ABCC12: variants seen among roughly 807,000 people sequenced by gnomAD.
The protein encoded by ABCC12 is ATP binding cassette subfamily C member 12, also known as ATP-binding cassette sub-family C member 12.
A neutral mutation model predicts 151.1 loss-of-function variants in ABCC12; 142 were observed. The ratio of observed to expected loss-of-function variants is 0.94; its 90% CI spans 0.82 to 1.08. The LOEUF (loss-of-function observed/expected upper bound fraction) is 1.08, where lower values mean the gene tolerates loss of function less well. Ranked by LOEUF, ABCC12 falls within the 50% of genes least tolerant of loss-of-function variation. The pLI is 0.00. For missense variants in ABCC12, 1,638 were observed against 1,691.1 expected (o/e 0.97, Z 0.55); for synonymous variants, 645 against 646.4 (o/e 1.00, Z 0.03).
intron 26 of ABCC12, 145 bp from the exon 27 acceptor site, chr16:48,088,230 T>G: frequency 9.8e-7 from 1 of 1,024,902 alleles, no homozygotes; most frequent in Non-Finnish European, 1.4e-6. Context: ...CTCACCAGGG[T>G]GGGGGTGGAG....
In ABCC12 at chr16:48,102,426, TA is replaced by T. The variant is rs1461202667; in HGVS notation, c.2901-1418del. Among the ~76,000 whole-genome samples, 6 of 152,364 alleles carry T rather than the reference TA, an allele frequency of 3.9e-5. No individual in the cohort carries two copies. The East Asian group carries it at 1.2e-3, about 29-fold the overall frequency. On this transcript the variant is annotated intron_variant, in intron 22 of 30. Transcript: ENST00000311303. ...TGTGGGAGTGTACTTTCATTTTTAA[TA>T]AATCTCTGCTTTTGTTGCTTCTTTC...
At chr16:48,155,470 C>T (rs1342267026) in intron 1 of ABCC12, among the ~76,000 whole-genome samples, 1 of 150,920 alleles carries the variant, frequency 6.6e-6, no homozygotes, top group African/African-American at 2.4e-5. Context: ...AGGTATAAAT[C>T]CCATAATTAA....
chr16:48,139,919 A>G (rs922117981), intron 6 of ABCC12, among the ~76,000 whole-genome samples: 6 of 152,024 alleles, frequency 3.9e-5, no homozygotes, highest in Non-Finnish European at 8.8e-5. Flanking sequence ...CCATGATGAC[A>G]GCCATGTGCA....
chr16:48,100,750 T>C (rs1963275206), intron 23 of ABCC12, 122 bp downstream of exon 23: 1 of 1,239,410 alleles, frequency 8.1e-7, no homozygotes, highest in African/African-American at 1.5e-5. Flanking sequence ...TCCTCCTGAT[T>C]CTTCCAGCTC....
chr16:48,155,411 T>C (rs1430130471), intron 1 of ABCC12, among the ~76,000 whole-genome samples: 1 of 150,110 alleles, frequency 6.7e-6, no homozygotes, highest in Non-Finnish European at 1.5e-5. Context: ...GATGAAAACC[T>C]CATATGAGAA....
In ABCC12 at chr16:48,107,343, G is replaced by A. The variant is rs2150610313; in HGVS notation, c.2454C>T (p.Leu818=). The A allele has an allele frequency of 6.2e-7, 1 of 1,614,174 alleles. No individual in the cohort carries two copies. The highest frequency in any genetic ancestry group is 8.5e-7 in the Non-Finnish European group (1 of 1,180,036). The change falls in exon 20 of 31, where the codon CTC becomes CTT. Residue 818 remains leucine (L), a synonymous_variant. Transcript: ENST00000311303. The part of the protein sequence containing the change: ...SAAFSNWWLG[L]WLDKGSRMTC... ...TCACCCGTGAGCCCTTGTCCAACCA[G>A]AGACCCAGCCACCAGTTGCTGAAGG...
intron 10 of ABCC12, 80 bp downstream of exon 10, chr16:48,130,708 G>T: frequency 3.5e-6 from 4 of 1,132,554 alleles, no homozygotes; most frequent in Middle Eastern, 2.0e-4. Flanking sequence ...CCAGCAGCTT[G>T]GTACAGCCTC....
chr16:48,132,443 G>C (rs553559243), intron 9 of ABCC12, among the ~76,000 whole-genome samples: 2 of 152,138 alleles, frequency 1.3e-5, no homozygotes, highest in African/African-American at 2.4e-5. Context: ...CTTTGCAAAC[G>C]TCACCTCTTT....
chr16:48,115,888 C>T (rs1963868569), intron 14 of ABCC12, among the ~76,000 whole-genome samples: 1 of 152,210 alleles, frequency 6.6e-6, no homozygotes, highest in African/African-American at 2.4e-5. Flanking sequence ...GGGTGCCCAT[C>T]TCACAAGACC....
chr16:48,104,034 A>G, intron 22 of ABCC12, 108 bp downstream of exon 22: 1 of 1,209,192 alleles, frequency 8.3e-7, no homozygotes, highest in Non-Finnish European at 1.1e-6. Context: ...AAAAAAATCA[A>G]TGGTAGACCA....
chr16:48,133,940 G>A, intron 8 of ABCC12, 105 bp from the exon 9 acceptor site: 2 of 1,347,692 alleles, frequency 1.5e-6, no homozygotes, highest in South Asian at 1.4e-5. Context: ...GGGCGCTCAT[G>A]AGTCCTGTTG....
chr16:48,097,031 G>T, intron 23 of ABCC12, 129 bp from the exon 24 acceptor site: 1 of 1,061,050 alleles, frequency 9.4e-7, no homozygotes, highest in East Asian at 2.4e-5. Flanking sequence ...TTTTAATCAA[G>T]GGAACACACT....
At chr16:48,094,702 G>T (rs2150591459) in intron 24 of ABCC12, among the ~76,000 whole-genome samples, 1 of 151,928 alleles carries the variant, frequency 6.6e-6, no homozygotes, top group Non-Finnish European at 1.5e-5. Context: ...GGATAAATTG[G>T]GCTCTCTGAA....
intron 22 of ABCC12, among the ~76,000 whole-genome samples, 191 bp from the exon 23 acceptor site, chr16:48,101,200 T>A (rs1018506949): frequency 1.3e-5 from 2 of 152,106 alleles, no homozygotes; most frequent in African/African-American, 2.4e-5. Flanking sequence ...GGCGGAGGCG[T>A]GAGAACCATG....
intron 15 of ABCC12, among the ~76,000 whole-genome samples, chr16:48,114,724 G>A (rs1963816090): frequency 6.6e-6 from 1 of 152,188 alleles, no homozygotes; most frequent in South Asian, 2.1e-4. Flanking sequence ...AACCTGGCCT[G>A]GGAGGAGGAG....
chr16:48,126,631 G>A (rs1964249473), intron 11 of ABCC12, among the ~76,000 whole-genome samples: 1 of 152,192 alleles, frequency 6.6e-6, no homozygotes, highest in Non-Finnish European at 1.5e-5. Context: ...CTTGTGAAAT[G>A]GGTACTTCTA....
Position 48,083,975 on chromosome 16 carries a change from C to T in ABCC12, c.3927G>A (p.Leu1309=), listed in dbSNP as rs1250505865. Residue 1309 remains leucine, a synonymous_variant, in exon 30 of 31, where the codon CTG becomes CTA. Coordinates refer to ENST00000311303, the MANE Select transcript of ABCC12 (RefSeq NM_001393797.1). ...IKDAFKGCTV[L]TIAHRLNTVL... ...CTGTGTTGAGGCGGTGGGCGATGGT[C>T]AGCACAGTGCAGCCCTTGAAGGCAT... is the stretch of plus-strand genomic sequence containing the variant. 6.2e-7 allele frequency: 1 copy of T among 1,612,036 alleles called. No individual in the cohort carries two copies. Among genetic ancestry groups the T allele is most frequent in the Non-Finnish European group, 8.5e-7 (1 of 1,179,412 alleles).
rs766672330 is a variant in ABCC12, at chr16:48,083,520, C to G, written c.*195G>C. 323 of 651,330 alleles carry G rather than the reference C, an allele frequency of 5.0e-4. No individual in the cohort carries two copies. The highest frequency in any genetic ancestry group is 7.7e-4 in the Admixed American group (28 of 36,464). 40.3% of individuals were successfully genotyped at this position (651,330 alleles called of 1,614,324 possible). On this transcript the variant is annotated 3_prime_UTR_variant, in exon 31 of 31. Coordinates refer to ENST00000311303, the MANE Select transcript of ABCC12 (RefSeq NM_001393797.1). Reference sequence around the variant, plus strand: ...GTCTGCCCCGGTTCACCACCCAGAACCAACCCCAAGCCCACCAAGTGGGGT... The same window carrying G: ...GTCTGCCCCGGTTCACCACCCAGAAGCAACCCCAAGCCCACCAAGTGGGGT...
At chr16:48,096,673 TC>T in intron 24 of ABCC12, 72 bp downstream of exon 24, 1 of 1,521,488 alleles carries the variant, frequency 6.6e-7, no homozygotes, top group Non-Finnish European at 9.0e-7. Flanking sequence ...GTTGTGTCCA[TC>T]CAAAAGCACC....
Sources: gnomAD v4.1 joint callset for allele counts (sites outside exome capture counted in the v4.1 genomes callset) on GRCh38, gnomAD v4.1.1 for gene constraint, MANE v1.5 for transcripts, NCBI Gene and HGNC (gene_info 2026-07-23, HGNC 2026-07-21) for gene names.